The following LZTS2 variants were observed in gnomAD, a reference collection of about 807,000 sequenced individuals.
The protein encoded by LZTS2 is leucine zipper tumor suppressor 2.
In LZTS2, 32 loss-of-function variants were observed where a neutral mutation model predicts 60.6. That is an observed-to-expected ratio of 0.53 (90% CI 0.40 to 0.71). LZTS2 has a LOEUF of 0.71. Ranked by LOEUF, LZTS2 falls within the 30% of genes least tolerant of loss-of-function variation. The pLI, the probability that LZTS2 is intolerant of heterozygous loss-of-function variation, is 0.00. For missense variants in LZTS2, 792 were observed against 901.9 expected, an observed-to-expected ratio of 0.88 and a Z score of 1.56; for synonymous variants, 360 against 393.1, an observed-to-expected ratio of 0.92 and a Z score of 1.00.
At chr10:100,996,885 C>T (rs558941664), upstream of LZTS2, among the ~76,000 whole-genome samples, 1 of 152,338 alleles carries the variant, frequency 6.6e-6, no homozygotes, top group Non-Finnish European at 1.5e-5. Flanking sequence ...GTGATGCTCG[C>T]CCCCTTCCCC....
intron 3 of LZTS2, 29 bp downstream of exon 4, chr10:101,005,744 A>G: frequency 6.6e-7 from 1 of 1,506,400 alleles, no homozygotes; most frequent in South Asian, 1.2e-5. Flanking sequence ...GGCAGGGAGC[A>G]GGGTCACACA....
intron 3 of LZTS2, among the ~76,000 whole-genome samples, chr10:101,006,031 C>A (rs1852179052): frequency 6.6e-6 from 1 of 152,224 alleles, no homozygotes; most frequent in South Asian, 2.1e-4. Flanking sequence ...ATTAGTCTCC[C>A]CATTTTAGAG....
rs1283044193 is a variant in LZTS2 at position 101,003,706 on chromosome 10, T to C, written c.608T>C (p.Leu203Pro). Reference sequence around the variant, plus strand: ...TCCTCTTCAGCTGCTGACAAACCCCTGGCATTTAGTGGCTGGGCCAGTGGC... The same window carrying C: ...TCCTCTTCAGCTGCTGACAAACCCCCGGCATTTAGTGGCTGGGCCAGTGGC... The change falls in exon 2 of 4, where the codon CTG (leucine) becomes CCG (proline). Residue 203 changes from leucine to proline, a missense_variant. Leu to Pro is a moderately conservative substitution (Grantham distance 98, BLOSUM62 -3). Transcript: ENST00000370220. 3 of 1,613,430 alleles carry C rather than the reference T, an allele frequency of 1.9e-6. No homozygotes were observed. The East Asian group carries it at 6.7e-5, about 36-fold the overall frequency.
chr10:101,005,423 C>T (rs777232620), intron 2 of LZTS2, 35 bp from the exon 4 acceptor site: 1 of 1,510,712 alleles, frequency 6.6e-7, no homozygotes, highest in South Asian at 1.3e-5. Context: ...GTTGGGAAAA[C>T]TGCCCAGGAG....
chr10:100,996,771 A>G (rs548233211), upstream of LZTS2: 1 of 152,494 alleles, frequency 6.6e-6, no homozygotes, highest in Non-Finnish European at 1.5e-5. Flanking sequence ...GATTGGGCCA[A>G]GAGTGGACCG....
At chr10:101,006,007 C>A (rs1852177759) in intron 3 of LZTS2, among the ~76,000 whole-genome samples, 1 of 152,238 alleles carries the variant, frequency 6.6e-6, no homozygotes, top group Non-Finnish European at 1.5e-5. Flanking sequence ...TATAACAACA[C>A]TGAGGGGGCT....
chr10:100,999,868 G>GGCCGGAGCCGGA (rs1362235995), exon 1 of LZTS2: 1 of 150,088 alleles, frequency 6.7e-6, no homozygotes, highest in Non-Finnish European at 1.5e-5. Flanking sequence ...CCGGGGCCGG[G>GGCCGGAGCCGGA]GCCGGAGCCG....
exon 2 of LZTS2, chr10:101,003,841 C>T (rs755282382): frequency 1.2e-6 from 2 of 1,613,370 alleles, no homozygotes; most frequent in South Asian, 1.1e-5. Flanking sequence ...GGGCACCTGC[C>T]TTCCCATGGC....
exon 1 of LZTS2, chr10:101,000,452 C>T (rs982838083): frequency 1.3e-5 from 2 of 152,422 alleles, no homozygotes; most frequent in East Asian, 3.9e-4. Flanking sequence ...ATGTGTGGCT[C>T]TCAGGGCCCG....
At chr10:101,006,463 C>T (rs1331545365) in intron 3 of LZTS2, 22 bp from the exon 5 acceptor site, 3 of 1,596,090 alleles carry the variant, frequency 1.9e-6, no homozygotes, top group Admixed American at 1.7e-5. Flanking sequence ...CACCATCCTT[C>T]CCCACTTCCT....
At chr10:101,007,527 C>T (rs909790570) in exon 4 of LZTS2, 85 of 1,335,174 alleles carry the variant, frequency 6.4e-5, no homozygotes, top group Admixed American at 2.5e-4. Context: ...ACATTCCCCC[C>T]GACCCCAAAG....
chr10:101,005,748 TCA>T (rs1852165478), intron 3 of LZTS2, 33 bp downstream of exon 4: 8 of 1,506,766 alleles, frequency 5.3e-6, no homozygotes, highest in Non-Finnish European at 6.2e-6. Context: ...GGGAGCAGGG[TCA>T]CACAGGGAGA....
chr10:101,002,608 C>T (rs1312125028), exon 1 of LZTS2: 6 of 1,568,986 alleles, frequency 3.8e-6, no homozygotes, highest in South Asian at 2.3e-5. Context: ...CCCACAAGCT[C>T]CAGTCATGGG....
upstream of LZTS2, chr10:100,997,297 G>C (rs1018402302): frequency 1.3e-5 from 2 of 152,216 alleles, no homozygotes; most frequent in Non-Finnish European, 2.9e-5. Flanking sequence ...GCTCCTGAAC[G>C]AACTTTCCGC....
exon 4 of LZTS2, chr10:101,007,042 C>T: frequency 6.3e-7 from 1 of 1,596,446 alleles, no homozygotes; most frequent in Non-Finnish European, 8.5e-7. Flanking sequence ...ACCGGCGCAA[C>T]CGGCAGCTAG....
chr10:101,003,662 C>T (rs1564816870), exon 2 of LZTS2: 2 of 1,610,742 alleles, frequency 1.2e-6, no homozygotes, highest in African/African-American at 1.3e-5. Context: ...GCCCTGCCTC[C>T]TCCTCCTCCT....
chr10:101,001,610 T>G lies in LZTS2; in HGVS notation c.-929T>G, dbSNP rs184746175. On this transcript the variant is annotated 5_prime_UTR_variant, in exon 1 of 4. Transcript: ENST00000370220. ...GTTCCGGGTGGAGGCTTGCAGCTGC[T>G]TCCAGGAAGGAGCAGAGCCTGGGGA... is the stretch of plus-strand genomic sequence containing the variant. 415 of 152,386 alleles carry G rather than the reference T, an allele frequency of 2.7e-3. 4 individuals are homozygous for G. Among genetic ancestry groups the G allele is most frequent in the African/African-American group, 9.7e-3 (403 of 41,574 alleles). The allele number at this position is 152,386 out of a possible 1,614,324, so 9.4% of individuals were successfully genotyped here. A position where few individuals can be genotyped will look rare whatever the true frequency, so the allele number is the denominator to read the frequency against.
At chr10:101,002,904 C>T (rs969053874) in exon 1 of LZTS2, 1 of 1,613,204 alleles carries the variant, frequency 6.2e-7, no homozygotes, top group Non-Finnish European at 8.5e-7. Flanking sequence ...ACCTCCGCGG[C>T]CCACCACCAA....
intron 1 of LZTS2, 155 bp downstream of exon 2, chr10:101,003,101 C>A: frequency 1.0e-6 from 1 of 980,112 alleles, no homozygotes; most frequent in South Asian, 1.8e-5. Flanking sequence ...GATGTGTGAC[C>A]TCAGGGAAGT....
Sources: allele counts gnomAD v4.1 joint callset (sites outside exome capture counted in the v4.1 genomes callset), GRCh38; gene constraint gnomAD v4.1.1; transcripts MANE v1.5; gene names NCBI Gene and HGNC (gene_info 2026-07-23, HGNC 2026-07-21).